Variants in FGF12 observed in about 807,000 individuals in gnomAD.
FGF12 encodes the protein fibroblast growth factor 12B.
Under a neutral mutation model 23.6 loss-of-function variants are expected in FGF12, and 14 were observed. That is an observed-to-expected ratio of 0.59 (90% confidence interval 0.39 to 0.93). The LOEUF (loss-of-function observed/expected upper bound fraction) is 0.93, where lower values mean the gene tolerates loss of function less well. Ranked by LOEUF, FGF12 falls within the 40% of genes least tolerant of loss-of-function variation. The pLI is 0.00. For missense variants in FGF12, 175 were observed against 217.8 expected, an observed-to-expected ratio of 0.80 and a Z score of 1.24; for synonymous variants, 62 against 77.3, an observed-to-expected ratio of 0.80 and a Z score of 1.04.
chr3:192,158,332 C>CTTTCTTTCTTTCTCTTTCTTTCTTTCTT (rs1459698854), intron 5 of FGF12, among the ~76,000 whole-genome samples: 1 of 112,356 alleles, frequency 8.9e-6, no homozygotes, highest in Non-Finnish European at 1.8e-5. Context: ...TTCTTTCTTT[C>CTTTCTTTCTTTCTCTTTCTTTCTTTCTT]TCTTTCTTTC....
intron 2 of FGF12, among the ~76,000 whole-genome samples, chr3:192,564,051 G>A (rs1473189705): frequency 6.6e-6 from 1 of 151,028 alleles, no homozygotes; most frequent in African/African-American, 2.4e-5. Flanking sequence ...TTTTTTGTTT[G>A]TTTTTTGTTT....
chr3:192,351,009 A>C (rs1479018274), intron 3 of FGF12, among the ~76,000 whole-genome samples: 2 of 152,180 alleles, frequency 1.3e-5, no homozygotes, highest in Non-Finnish European at 2.9e-5. Context: ...GAATTGCTGG[A>C]AATCTGTATA....
chr3:192,536,126 A>C (rs947040613), intron 2 of FGF12, among the ~76,000 whole-genome samples: 51 of 152,196 alleles, frequency 3.4e-4, no homozygotes, highest in Non-Finnish European at 1.0e-4. Context: ...TACAACCCAC[A>C]CACCAAATCC....
At chr3:192,410,851 G>A (rs923631558) in intron 2 of FGF12, among the ~76,000 whole-genome samples, 4 of 152,160 alleles carry the variant, frequency 2.6e-5, no homozygotes, top group African/African-American at 9.7e-5. Context: ...TCTGATGTTG[G>A]AGACACTGGG....
chr3:192,448,151 G>A (rs574850963), intron 2 of FGF12, among the ~76,000 whole-genome samples: 4 of 152,310 alleles, frequency 2.6e-5, no homozygotes, highest in Non-Finnish European at 5.9e-5. Flanking sequence ...GCCACGGAAG[G>A]ACACTTGGGT....
intron 4 of FGF12, among the ~76,000 whole-genome samples, chr3:192,276,844 A>C (rs1389529062): frequency 6.6e-6 from 1 of 152,106 alleles, no homozygotes; most frequent in Non-Finnish European, 1.5e-5. Context: ...TCCTCACCAC[A>C]CTCAGAAGAA....
intron 2 of FGF12, among the ~76,000 whole-genome samples, chr3:192,567,683 G>A (rs1273987837): frequency 6.6e-6 from 1 of 151,740 alleles, no homozygotes; most frequent in Non-Finnish European, 1.5e-5. Flanking sequence ...CTTGGCTTGT[G>A]GTGCATAACT....
Position 192,706,556 on chromosome 3 carries a change from G to A in FGF12, c.13+20625C>T, listed in dbSNP as rs78619653. ...TAACTGACCAAGCAGAAACAATTGG[G>A]AGTAGTCAGGCCTCTATTAATAACA... On this transcript the variant is annotated intron_variant, in intron 2 of 5. Coordinates refer to ENST00000445105, the MANE Select transcript of FGF12 (RefSeq NM_004113.6). Among the ~76,000 whole-genome samples the A allele has an allele frequency of 6.6e-3, 997 of 152,124 alleles. 7 individuals carry two copies. The highest frequency in any genetic ancestry group is 0.011 in the Non-Finnish European group (742 of 68,002).
chr3:192,149,406 T>A (rs1260775731), intron 5 of FGF12, among the ~76,000 whole-genome samples: 1 of 145,640 alleles, frequency 6.9e-6, no homozygotes, highest in Non-Finnish European at 1.5e-5. Flanking sequence ...GCTGGTGCAC[T>A]GCACCCACTA....
At chr3:192,278,103 G>C (rs1026290542) in intron 4 of FGF12, among the ~76,000 whole-genome samples, 3 of 152,080 alleles carry the variant, frequency 2.0e-5, no homozygotes, top group Admixed American at 1.3e-4. Flanking sequence ...CAATCAGTCA[G>C]CTTACCTACG....
At chr3:192,569,357 C>T (rs770895627) in intron 2 of FGF12, among the ~76,000 whole-genome samples, 1 of 152,190 alleles carries the variant, frequency 6.6e-6, no homozygotes, top group Non-Finnish European at 1.5e-5. Context: ...TTCCTCAGGA[C>T]AGTTGTCTTC....
chr3:192,407,814 C>T lies in FGF12; in HGVS notation c.14-47276G>A, dbSNP rs144679270. On this transcript the variant is annotated intron_variant, in intron 2 of 5. Transcript: ENST00000445105. ...ATGTAATTCTTCTCCTGGTCAAACC[C>T]CGGACTGATCAAAGTAGAGTGTTTT... Among the ~76,000 whole-genome samples, 14 of 152,280 alleles carry T rather than the reference C, an allele frequency of 9.2e-5. No homozygotes were observed. The South Asian group carries it at 2.3e-3, about 25-fold the overall frequency.
intron 2 of FGF12, among the ~76,000 whole-genome samples, chr3:192,480,582 A>C (rs1280918345): frequency 6.6e-6 from 1 of 152,206 alleles, no homozygotes; most frequent in Non-Finnish European, 1.5e-5. Context: ...GGTATTTTGC[A>C]AATAAAGTTG....
chr3:192,387,957 T>G (rs1321159402), intron 2 of FGF12, among the ~76,000 whole-genome samples: 4 of 152,114 alleles, frequency 2.6e-5, no homozygotes, highest in Non-Finnish European at 5.9e-5. Context: ...CTTAGTTATT[T>G]TATATAATTG....
At chr3:192,404,452 A>G (rs1290813348) in intron 2 of FGF12, among the ~76,000 whole-genome samples, 1 of 152,182 alleles carries the variant, frequency 6.6e-6, no homozygotes, top group African/African-American at 2.4e-5. Flanking sequence ...AATCATTTGT[A>G]CTATTGTTTC....
intron 2 of FGF12, among the ~76,000 whole-genome samples, chr3:192,460,045 G>T (rs928602706): frequency 1.1e-4 from 17 of 152,102 alleles, no homozygotes; most frequent in African/African-American, 4.1e-4. Context: ...GTACATTTAC[G>T]ATATGGGGAT....
At chr3:192,155,917 A>G (rs183010896) in intron 5 of FGF12, among the ~76,000 whole-genome samples, 1 of 152,294 alleles carries the variant, frequency 6.6e-6, no homozygotes, top group Non-Finnish European at 1.5e-5. Flanking sequence ...TATTAACCAG[A>G]AAGATTCCTA....
At chr3:192,511,090 A>C (rs1292623969) in intron 2 of FGF12, among the ~76,000 whole-genome samples, 2 of 152,146 alleles carry the variant, frequency 1.3e-5, no homozygotes, top group South Asian at 2.1e-4. Context: ...GGCATCTGAT[A>C]ATCCTTCAGG....
At chr3:192,167,746 TATATATATATATATATATATATAA>T (rs1234160123) in intron 5 of FGF12, among the ~76,000 whole-genome samples, 1 of 24,612 alleles carries the variant, frequency 4.1e-5, no homozygotes, top group African/African-American at 2.0e-4. Context: ...TATATATATA[TATATATATATATATATATATATAA>T]AATTTTTTTT....
Sources: allele counts gnomAD v4.1 joint callset (sites outside exome capture counted in the v4.1 genomes callset), GRCh38; gene constraint gnomAD v4.1.1; transcripts MANE v1.5; gene names NCBI Gene and HGNC (gene_info 2026-07-23, HGNC 2026-07-21).